RBFOX1: variants seen among roughly 807,000 people sequenced by gnomAD.
RBFOX1 encodes the protein RNA binding fox-1 homolog 1.
RBFOX1 carries 8 observed loss-of-function variants against 57.7 expected under a neutral mutation model. That is an observed-to-expected ratio of 0.14 (90% CI 0.08 to 0.25). The LOEUF (loss-of-function observed/expected upper bound fraction) is 0.25. Among genes scored for constraint, RBFOX1 ranks in the 10% least tolerant of loss-of-function variants. RBFOX1 has a pLI of 1.00. For synonymous variants in RBFOX1, 326 were observed against 222.4 expected (o/e 1.47, Z -4.15); for missense variants, 611 against 548.5 (o/e 1.11, Z -1.14).
intron 3 of RBFOX1, among the ~76,000 whole-genome samples, chr16:5,855,922 T>TTAA (rs144715724): frequency 0.052 from 7,819 of 149,994 alleles, 272 homozygotes; most frequent in Non-Finnish European, 0.081. Flanking sequence ...TTGTTAATGT[T>TTAA]TAATGTACAC....
chr16:7,111,951 C>A (rs2064864889), intron 4 of RBFOX1, among the ~76,000 whole-genome samples: 1 of 152,046 alleles, frequency 6.6e-6, no homozygotes, highest in Non-Finnish European at 1.5e-5. Context: ...TGACTTGTCA[C>A]CCTGAATTAT....
chr16:7,539,698 A>G (rs1447947755), intron 5 of RBFOX1, among the ~76,000 whole-genome samples: 2 of 152,210 alleles, frequency 1.3e-5, no homozygotes, highest in Non-Finnish European at 2.9e-5. Context: ...AGGACCAGGC[A>G]GAGTAGTCTA....
intron 2 of RBFOX1, among the ~76,000 whole-genome samples, chr16:6,534,108 A>C (rs187780890): frequency 6.6e-6 from 1 of 152,198 alleles, no homozygotes; most frequent in African/African-American, 2.4e-5. Flanking sequence ...TGCTCATTGC[A>C]TGTTTATTTG....
intron 3 of RBFOX1, among the ~76,000 whole-genome samples, chr16:5,772,286 C>T (rs2054005801): frequency 6.6e-6 from 1 of 152,218 alleles, no homozygotes; most frequent in East Asian, 1.9e-4. Context: ...AACAGCCAGA[C>T]TTACTGGCAG....
chr16:5,899,144 C>CAAAAAAAAAAAA (rs35163906), intron 4 of RBFOX1, among the ~76,000 whole-genome samples: 11 of 100,078 alleles, frequency 1.1e-4, no homozygotes, highest in African/African-American at 4.4e-4. Context: ...GACCCTGTCT[C>CAAAAAAAAAAAA]AAAAAAAAAA....
At chr16:7,183,738 G>A (rs971667086) in intron 4 of RBFOX1, among the ~76,000 whole-genome samples, 4 of 152,192 alleles carry the variant, frequency 2.6e-5, no homozygotes, top group African/African-American at 4.8e-5. Flanking sequence ...TAGGCTTACT[G>A]TCAGAACAAA....
chr16:6,211,571 T>G (rs1672828055), intron 1 of RBFOX1, among the ~76,000 whole-genome samples: 2 of 152,170 alleles, frequency 1.3e-5, no homozygotes, highest in Non-Finnish European at 2.9e-5. Flanking sequence ...AGAATGGTTT[T>G]AGCTTTATTG....
intron 2 of RBFOX1, among the ~76,000 whole-genome samples, chr16:6,554,725 G>GAC (rs34699308): frequency 1.3e-3 from 192 of 148,266 alleles, no homozygotes; most frequent in African/African-American, 4.5e-3. Flanking sequence ...AGTAGACACA[G>GAC]ACACACACAC....
At chr16:6,228,182 G>A (rs1189629751) in intron 1 of RBFOX1, among the ~76,000 whole-genome samples, 4 of 151,986 alleles carry the variant, frequency 2.6e-5, no homozygotes, top group African/African-American at 2.4e-5. Flanking sequence ...TTGGTGACAC[G>A]CGCCTGTATT....
chr16:5,966,552 G>C (rs1413618888), intron 4 of RBFOX1, among the ~76,000 whole-genome samples: 1 of 152,186 alleles, frequency 6.6e-6, no homozygotes, highest in Non-Finnish European at 1.5e-5. Context: ...CCGCCTCCCA[G>C]GTTCAAGCAA....
In RBFOX1 at chr16:7,218,195, T is replaced by A. The variant is rs182496289; in HGVS notation, c.27+166097T>A. ...ATCCTTTGCCTGAGTAGGTGGGGAG[T>A]GAGTTTAAACCTTATGTCTTATTTT... On this transcript the variant is annotated intron_variant, in intron 4 of 15. Coordinates refer to ENST00000550418, the MANE Select transcript of RBFOX1 (RefSeq NM_018723.4). Among the ~76,000 whole-genome samples, 25 of 152,198 alleles carry A rather than the reference T, an allele frequency of 1.6e-4. No homozygotes were observed. In the East Asian group the frequency reaches 4.1e-3, roughly 25 times the overall value.
At chr16:6,279,429 T>G (rs574866805) in intron 1 of RBFOX1, among the ~76,000 whole-genome samples, 1 of 152,330 alleles carries the variant, frequency 6.6e-6, no homozygotes, top group South Asian at 2.1e-4. Flanking sequence ...TTTGACAATC[T>G]GTAAACAGCT....
At position 6,806,823 on chromosome 16, in the gene RBFOX1, T is replaced by TAAATATATAAATATATAA. The variant is rs1236234265; in HGVS notation, c.-16+152174_-16+152175insAATATATAAATATATAAA. 2.4e-4 allele frequency among the ~76,000 whole-genome samples: 20 copies of TAAATATATAAATATATAA among 83,634 alleles called. No individual in the cohort carries two copies. In the South Asian group the frequency reaches 2.6e-3, roughly 11 times the overall value. The allele number at this position is 83,634 out of a possible 152,430, so 54.9% of individuals were successfully genotyped here. A position where few individuals can be genotyped will look rare whatever the true frequency, so the allele number is the denominator to read the frequency against. On this transcript the variant is annotated intron_variant, in intron 3 of 15. Transcript: ENST00000550418. Reference sequence around the variant, plus strand: ...ATATATAAATAAATATATAAATATATATATATATATATATTTTTTTTTTTT... The same window carrying TAAATATATAAATATATAA: ...ATATATAAATAAATATATAAATATATAAATATATAAATATATAAATATATATATATATTTTTTTTTTTT...
intron 2 of RBFOX1, among the ~76,000 whole-genome samples, chr16:6,507,059 C>T (rs1018865499): frequency 3.3e-5 from 5 of 152,120 alleles, no homozygotes; most frequent in African/African-American, 1.2e-4. Flanking sequence ...CATCTGTGAA[C>T]ATTTCCTTCA....
At chr16:7,681,587 A>G (rs544185583) in intron 14 of RBFOX1, among the ~76,000 whole-genome samples, 1 of 152,292 alleles carries the variant, frequency 6.6e-6, no homozygotes, top group South Asian at 2.1e-4. Context: ...TATACTAAAA[A>G]TTAAGGAATT....
At chr16:6,287,239 G>A (rs1212146051) in intron 1 of RBFOX1, among the ~76,000 whole-genome samples, 1 of 152,098 alleles carries the variant, frequency 6.6e-6, no homozygotes, top group Non-Finnish European at 1.5e-5. Flanking sequence ...GTGGGTTAGG[G>A]GAACACAGTG....
intron 4 of RBFOX1, among the ~76,000 whole-genome samples, chr16:7,109,377 G>T (rs1215912754): frequency 2.0e-5 from 3 of 152,014 alleles, no homozygotes; most frequent in Non-Finnish European, 4.4e-5. Context: ...TTTGACTACT[G>T]CCAATGAGAT....
intron 13 of RBFOX1, among the ~76,000 whole-genome samples, chr16:7,675,374 T>C (rs79936388): frequency 0.037 from 5,613 of 152,052 alleles, 348 homozygotes; most frequent in African/African-American, 0.12. Flanking sequence ...CCTCTTTTTG[T>C]TGTGGTTAAC....
intron 2 of RBFOX1, among the ~76,000 whole-genome samples, chr16:5,471,922 G>A (rs939485982): frequency 5.3e-5 from 8 of 152,096 alleles, no homozygotes; most frequent in Admixed American, 4.6e-4. Flanking sequence ...ATGCAGCATG[G>A]GTGGAAAAAA....
Sources: gnomAD v4.1 joint callset for allele counts (sites outside exome capture counted in the v4.1 genomes callset) on GRCh38, gnomAD v4.1.1 for gene constraint, MANE v1.5 for transcripts, NCBI Gene and HGNC (gene_info 2026-07-23, HGNC 2026-07-21) for gene names.